The following KHDRBS2 variants were observed in gnomAD, a reference collection of about 807,000 sequenced individuals.
The protein encoded by KHDRBS2 is KH domain-containing, RNA-binding, signal transduction-associated protein 2.
In KHDRBS2, 26 loss-of-function variants were observed where a neutral mutation model predicts 44.3. The ratio of observed to expected loss-of-function variants is 0.59; its 90% confidence interval spans 0.43 to 0.81. The LOEUF (loss-of-function observed/expected upper bound fraction) is 0.81. Among genes scored for constraint, KHDRBS2 ranks in the 40% least tolerant of loss-of-function variants. KHDRBS2 has a pLI of 0.00. For synonymous variants in KHDRBS2, 194 were observed against 151.1 expected (o/e 1.28, Z -2.08); for missense variants, 476 against 433.1 (o/e 1.10, Z -0.88).
chr6:61,860,316 C>A (rs972435687), intron 6 of KHDRBS2, among the ~76,000 whole-genome samples: 1 of 151,768 alleles, frequency 6.6e-6, no homozygotes, highest in Non-Finnish European at 1.5e-5. Context: ...ATTTCATCAC[C>A]CAGGTATTAA....
chr6:61,933,687 GGTAA>G (rs1460114405), intron 4 of KHDRBS2, among the ~76,000 whole-genome samples: 1 of 152,026 alleles, frequency 6.6e-6, no homozygotes, highest in African/African-American at 2.4e-5. Context: ...GCAACACAAT[GGTAA>G]GTATTTGTGT....
intron 6 of KHDRBS2, among the ~76,000 whole-genome samples, chr6:61,892,840 G>A (rs564627613): frequency 0.013 from 1,963 of 152,242 alleles, 45 homozygotes; most frequent in African/African-American, 0.044. Context: ...ACATAGGCAT[G>A]GGCAAGGACT....
At chr6:62,038,161 A>G (rs1225847740) in intron 3 of KHDRBS2, among the ~76,000 whole-genome samples, 1 of 151,978 alleles carries the variant, frequency 6.6e-6, no homozygotes, top group East Asian at 1.9e-4. Flanking sequence ...AAGTGGTCCA[A>G]TCGTTGTGTT....
chr6:62,059,684 T>G (rs908467142), intron 2 of KHDRBS2, among the ~76,000 whole-genome samples: 1 of 151,772 alleles, frequency 6.6e-6, no homozygotes, highest in Non-Finnish European at 1.5e-5. Context: ...CTAGCAATCA[T>G]GTATGGGTAG....
chr6:62,062,127 GC>G (rs1792097462), intron 2 of KHDRBS2, among the ~76,000 whole-genome samples: 2 of 148,226 alleles, frequency 1.3e-5, no homozygotes, highest in Non-Finnish European at 3.0e-5. Context: ...GATTCATAAA[GC>G]AAGTCCTGAG....
chr6:61,594,765 G>A, the KHDRBS2 span, among the ~76,000 whole-genome samples: 1 of 151,790 alleles, frequency 6.6e-6, no homozygotes, highest in African/African-American at 2.4e-5. Context: ...ATGCCTCAGG[G>A]GCTGTCTGTA....
At chr6:62,190,188 A>T (rs1824302588) in intron 1 of KHDRBS2, among the ~76,000 whole-genome samples, 1 of 152,156 alleles carries the variant, frequency 6.6e-6, no homozygotes, top group African/African-American at 2.4e-5. Flanking sequence ...CTTAAGAAAA[A>T]GAAAGAAATC....
the KHDRBS2 span, among the ~76,000 whole-genome samples, chr6:61,573,458 T>G: frequency 6.6e-6 from 1 of 151,854 alleles, no homozygotes; most frequent in East Asian, 1.9e-4. Context: ...TTCACAGAAC[T>G]AGAAAAAAAA....
At chr6:61,919,360 A>C (rs1422799038) in intron 4 of KHDRBS2, among the ~76,000 whole-genome samples, 1 of 151,950 alleles carries the variant, frequency 6.6e-6, no homozygotes. Context: ...GCATGAGAAA[A>C]ATGGGGTTGA....
chr6:61,664,391 A>G, the KHDRBS2 span, among the ~76,000 whole-genome samples: 5 of 151,666 alleles, frequency 3.3e-5, no homozygotes, highest in African/African-American at 1.2e-4. Context: ...AGTTAACAAT[A>G]CCCCTTATTG....
At chr6:61,988,896 G>T (rs149158849) in intron 3 of KHDRBS2, among the ~76,000 whole-genome samples, 1 of 152,218 alleles carries the variant, frequency 6.6e-6, no homozygotes, top group East Asian at 1.9e-4. Context: ...AAGAACATTT[G>T]AACACATGCC....
chr6:61,989,236 A>C (rs138686401), intron 3 of KHDRBS2, among the ~76,000 whole-genome samples: 1 of 152,292 alleles, frequency 6.6e-6, no homozygotes, highest in East Asian at 1.9e-4. Flanking sequence ...ATCTTTCCCA[A>C]GGGCTCAGGA....
chr6:62,183,838 T>C (rs1407543335), intron 1 of KHDRBS2, among the ~76,000 whole-genome samples: 4 of 151,720 alleles, frequency 2.6e-5, no homozygotes, highest in African/African-American at 9.7e-5. Flanking sequence ...AATGAGAGGT[T>C]GTAAAACACC....
the KHDRBS2 span, among the ~76,000 whole-genome samples, chr6:61,585,714 C>T: frequency 6.6e-6 from 1 of 152,040 alleles, no homozygotes. Flanking sequence ...AGCATCTATT[C>T]TATCTCTTGG....
chr6:62,262,822 AAAAT>A (rs1305424363), intron 1 of KHDRBS2, among the ~76,000 whole-genome samples: 8 of 151,866 alleles, frequency 5.3e-5, no homozygotes, highest in East Asian at 1.9e-4. Context: ...ATTATTGTCA[AAAAT>A]AAAACAAATT....
chr6:61,848,541 G>GTATATATATACATATATATATGTA (rs1562294887), intron 6 of KHDRBS2, among the ~76,000 whole-genome samples: 4 of 33,336 alleles, frequency 1.2e-4, no homozygotes, highest in Non-Finnish European at 1.7e-4. Flanking sequence ...ACATATATAT[G>GTATATATATACATATATATATGTA]TATATATATA....
At chr6:61,786,348 ATT>A (rs775062784) in intron 6 of KHDRBS2, among the ~76,000 whole-genome samples, 80 of 152,002 alleles carry the variant, frequency 5.3e-4, no homozygotes, top group Non-Finnish European at 1.0e-3. Context: ...CTTTTTCATG[ATT>A]AGGGGTCATA....
chr6:61,597,581 G>C, the KHDRBS2 span, among the ~76,000 whole-genome samples: 3 of 151,142 alleles, frequency 2.0e-5, no homozygotes, highest in African/African-American at 7.3e-5. Context: ...GTAGGGGTTT[G>C]CAGGGTAACT....
At chr6:62,089,179 A>G (rs1177163424) in intron 2 of KHDRBS2, among the ~76,000 whole-genome samples, 7 of 149,708 alleles carry the variant, frequency 4.7e-5, no homozygotes, top group South Asian at 4.3e-4. Flanking sequence ...GGATCCCCTG[A>G]GCTAGATCGC....
Sources: allele counts gnomAD v4.1 joint callset (sites outside exome capture counted in the v4.1 genomes callset), GRCh38; gene constraint gnomAD v4.1.1; transcripts MANE v1.5; gene names NCBI Gene and HGNC (gene_info 2026-07-23, HGNC 2026-07-21).